Variants in ZDHHC11 observed in about 807,000 individuals in gnomAD.
ZDHHC11 encodes the protein palmitoyltransferase ZDHHC11.
In ZDHHC11, 44 loss-of-function variants were observed where a neutral mutation model predicts 51.3. The ratio of observed to expected loss-of-function variants is 0.86; its 90% CI spans 0.67 to 1.10. ZDHHC11 has a LOEUF of 1.10. Among genes scored for constraint, ZDHHC11 ranks in the 50% least tolerant of loss-of-function variants. ZDHHC11 has a pLI of 0.00. For synonymous variants in ZDHHC11, 163 were observed against 222.0 expected (o/e 0.73, Z 2.36); for missense variants, 400 against 537.7 (o/e 0.74, Z 2.53).
rs116800877 is a variant in ZDHHC11, at chr5:814,677, A to G, written c.1181+84T>C. 1,365 of 1,362,154 alleles carry G rather than the reference A, an allele frequency of 1.0e-3. 22 individuals carry two copies. The African/African-American group carries it at 0.017, about 17-fold the overall frequency. The allele number at this position is 1,362,154 out of a possible 1,614,324, so 84.4% of individuals were successfully genotyped here. On this transcript the variant is annotated intron_variant, in intron 11 of 12. Coordinates refer to ENST00000283441, the MANE Select transcript of ZDHHC11 (RefSeq NM_024786.3). Reference sequence around the variant, plus strand: ...TCATCAGATTATTTGAACATGTTAAATAGAGAACATATTTTCCTATGTAAT... The same window carrying G: ...TCATCAGATTATTTGAACATGTTAAGTAGAGAACATATTTTCCTATGTAAT...
rs537172064 is a variant in ZDHHC11 at position 819,752 on chromosome 5, G to A, written c.1059-140C>T. ...CAGAAACTGGAGACCAGCAGCTCCC[G>A]GGAGGTTGTGTGAGTGCTCCCGGGT... On this transcript the variant is annotated intron_variant, in intron 9 of 12. Coordinates refer to ENST00000283441, the MANE Select transcript of ZDHHC11 (RefSeq NM_024786.3). 8 of 845,618 alleles carry A rather than the reference G, an allele frequency of 9.5e-6. 1 individual carries two copies. Among genetic ancestry groups the A allele is most frequent in the African/African-American group, 6.3e-5 (4 of 63,074 alleles). 52.4% of individuals were successfully genotyped at this position (845,618 alleles called of 1,614,324 possible).
At chr5:821,983 GAC>G in intron 8 of ZDHHC11, 88 bp from the exon 9 acceptor site, 2 of 1,227,128 alleles carry the variant, frequency 1.6e-6, no homozygotes, top group East Asian at 2.4e-5. Flanking sequence ...AGTCAGTTCT[GAC>G]AGTCACTTCT....
rs562456255 is a variant in ZDHHC11 at position 837,198 on chromosome 5, CAT to C, written c.900+165_900+166del. The stretch of plus-strand genomic sequence containing the variant: ...ACTGGTGTTTATGTTCACAAAGACA[CAT>C]AGACACACCCATGCACAGAGCCTCA... On this transcript the variant is annotated intron_variant, in intron 6 of 12. Coordinates refer to ENST00000283441, the MANE Select transcript of ZDHHC11 (RefSeq NM_024786.3). 5.1e-3 allele frequency among the ~76,000 whole-genome samples: 774 copies of C among 152,194 alleles called. 4 individuals are homozygous for C. The highest frequency in any genetic ancestry group is 0.017 in the African/African-American group (710 of 41,498).
At chr5:834,655 G>C (rs868469803) in intron 6 of ZDHHC11, among the ~76,000 whole-genome samples, 1 of 152,414 alleles carries the variant, frequency 6.6e-6, no homozygotes, top group African/African-American at 2.4e-5. Flanking sequence ...ATTGTGCATT[G>C]CTTTACTGCA....
intron 8 of ZDHHC11, 24 bp from the exon 9 acceptor site, chr5:821,919 C>G: frequency 1.3e-6 from 2 of 1,593,804 alleles, no homozygotes; most frequent in Non-Finnish European, 1.7e-6. Flanking sequence ...AAGCAAAATT[C>G]ATAGAATGAA....
At chr5:805,942 AT>A (rs1316005979) in intron 11 of ZDHHC11, among the ~76,000 whole-genome samples, 10 of 151,248 alleles carry the variant, frequency 6.6e-5, no homozygotes, top group African/African-American at 2.4e-4. Flanking sequence ...CTAAGTGTTC[AT>A]ATATGGAACA....
chr5:812,363 G>C (rs1740201651), intron 11 of ZDHHC11, among the ~76,000 whole-genome samples: 1 of 152,068 alleles, frequency 6.6e-6, no homozygotes, highest in Admixed American at 6.5e-5. Flanking sequence ...TCCCTAACGT[G>C]CAGAGAGCAC....
intron 11 of ZDHHC11, among the ~76,000 whole-genome samples, chr5:808,325 G>C (rs1257222446): frequency 6.6e-6 from 1 of 152,060 alleles, no homozygotes; most frequent in East Asian, 1.9e-4. Flanking sequence ...AGTGCAGAGA[G>C]ACAGCCCTAT....
In ZDHHC11 at chr5:831,040, T is replaced by G. The variant is rs1288809733; in HGVS notation, c.935+2733A>C. Among the ~76,000 whole-genome samples the G allele has an allele frequency of 1.3e-5, 2 of 150,020 alleles. 1 individual carries two copies. Among genetic ancestry groups the G allele is most frequent in the Non-Finnish European group, 3.0e-5 (2 of 67,286 alleles). On this transcript the variant is annotated intron_variant, in intron 7 of 12. Coordinates refer to ENST00000283441, the MANE Select transcript of ZDHHC11 (RefSeq NM_024786.3). ...TACAAGATATCATCAGAAAAACTTT[T>G]GTAGGCATTGACTTCGGCAAAGAGC...
At chr5:855,150 C>CG (rs1747992048), upstream of ZDHHC11, among the ~76,000 whole-genome samples, 1 of 145,314 alleles carries the variant, frequency 6.9e-6, no homozygotes, top group African/African-American at 2.6e-5. Flanking sequence ...GACAGCGAGC[C>CG]GGGGGACACA....
intron 10 of ZDHHC11, among the ~76,000 whole-genome samples, chr5:818,939 C>T (rs1357093674): frequency 6.6e-6 from 1 of 151,464 alleles, no homozygotes; most frequent in Non-Finnish European, 1.5e-5. Flanking sequence ...GCCCTAAAGC[C>T]GGTAGCCACA....
At chr5:846,860 G>GCCCATCTGCGC (rs1746287430) in intron 3 of ZDHHC11, among the ~76,000 whole-genome samples, 2 of 116,574 alleles carry the variant, frequency 1.7e-5, no homozygotes, top group African/African-American at 8.2e-5. Context: ...AACACCTCTC[G>GCCCATCTGCGC]TTCTTGCACC....
At chr5:847,421 C>T (rs1463266875) in intron 3 of ZDHHC11, 93 bp downstream of exon 3, 2 of 1,549,404 alleles carry the variant, frequency 1.3e-6, no homozygotes, top group Admixed American at 3.6e-5. Context: ...GGACCCTCCA[C>T]CCTTTCAACA....
At chr5:856,957 C>T (rs777774667) in intron 1 of ZDHHC11, among the ~76,000 whole-genome samples, 25 of 151,392 alleles carry the variant, frequency 1.7e-4, no homozygotes, top group Non-Finnish European at 3.1e-4. Flanking sequence ...ATTTGCACTA[C>T]ACACCGCATA....
intron 4 of ZDHHC11, chr5:841,568 C>G (rs1744971868): frequency 2.0e-6 from 2 of 1,002,398 alleles, no homozygotes; most frequent in East Asian, 2.2e-4. Context: ...CAGAGCCTGC[C>G]AGCTCTGCCA....
chr5:798,424 C>A (rs556898840), intron 12 of ZDHHC11, among the ~76,000 whole-genome samples: 62 of 151,626 alleles, frequency 4.1e-4, no homozygotes, highest in African/African-American at 1.3e-3. Flanking sequence ...CGTGCACACA[C>A]ACACCCTTAA....
At chr5:827,294 C>T (rs1219429936) in intron 7 of ZDHHC11, among the ~76,000 whole-genome samples, 23 of 148,408 alleles carry the variant, frequency 1.5e-4, no homozygotes, top group African/African-American at 5.7e-4. Context: ...ATAAATCTTA[C>T]AGGACTGAGA....
chr5:837,823 G>C (rs1306329885), intron 5 of ZDHHC11, among the ~76,000 whole-genome samples: 3 of 151,950 alleles, frequency 2.0e-5, no homozygotes, highest in Non-Finnish European at 4.4e-5. Context: ...ATACCATGCA[G>C]CTTGAGAGGT....
intron 4 of ZDHHC11, among the ~76,000 whole-genome samples, chr5:842,825 G>C (rs1466067090): frequency 6.6e-6 from 1 of 151,390 alleles, no homozygotes; most frequent in Non-Finnish European, 1.5e-5. Context: ...AATTTTGCCA[G>C]CTCCTGTGGC....
Sources: allele counts gnomAD v4.1 joint callset (sites outside exome capture counted in the v4.1 genomes callset), GRCh38; gene constraint gnomAD v4.1.1; transcripts MANE v1.5; gene names NCBI Gene and HGNC (gene_info 2026-07-23, HGNC 2026-07-21).